Variants in EPPK1 observed in about 807,000 individuals in gnomAD.
EPPK1 encodes epiplakin 1.
For missense variants in EPPK1, 3,823 were observed against 3,673.3 expected, an observed-to-expected ratio of 1.04 and a Z score of -1.05; for synonymous variants, 1,862 against 1,721.2, an observed-to-expected ratio of 1.08 and a Z score of -2.03.
intron 1 of EPPK1, among the ~76,000 whole-genome samples, chr8:143,874,586 G>A (rs989558760): frequency 7.2e-5 from 11 of 152,112 alleles, no homozygotes; most frequent in Non-Finnish European, 1.0e-4. Flanking sequence ...CTCGAGCTCC[G>A]GAGGAAGTGC....
At position 143,870,371 on chromosome 8, in the gene EPPK1, C is replaced by T. The variant is rs553097440; in HGVS notation, c.2883G>A (p.Leu961=). The change falls in exon 2 of 2, where the codon CTG becomes CTA. Residue 961 remains leucine, a synonymous_variant. Transcript: ENST00000615648. The surrounding 1 kb of genome is among the most constrained non-coding windows in gnomAD (Gnocchi z 5.2). ...TGGCCGCCTGGGCCTCCAGCAGGGC[C>T]AGGGCCACCCTGGGCCCCAGCAGCT... ...RQKLLGPRVA[L]ALLEAQAATG... The T allele has an allele frequency of 4.5e-6, 7 of 1,566,162 alleles. No individual in the cohort carries two copies. Among genetic ancestry groups the T allele is most frequent in the Non-Finnish European group, 6.0e-6 (7 of 1,161,530 alleles).
At position 143,857,963 on chromosome 8, in the gene EPPK1, G is replaced by T; in HGVS notation, c.*24C>A. The T allele has an allele frequency of 7.0e-7, 1 of 1,420,044 alleles. No individual in the cohort carries two copies. The highest frequency in any genetic ancestry group is 9.5e-7 in the Non-Finnish European group (1 of 1,049,652). The allele number at this position is 1,420,044 out of a possible 1,614,324, so 88.0% of individuals were successfully genotyped here. On this transcript the variant is annotated 3_prime_UTR_variant, in exon 2 of 2. Coordinates refer to ENST00000615648, the MANE Select transcript of EPPK1 (RefSeq NM_031308.4). ...ATGCCTCCACTTCTCCAGAGTTGCA[G>T]AAAACTGCACGGAGGAAGCCCAGTC...
At position 143,878,404 on chromosome 8, in the gene EPPK1, G is replaced by GCCGCACCTGCCCGCACCCGCCGCACCTGC. The variant is rs1554662614; in HGVS notation, c.-46+33_-46+34insGCAGGTGCGGCGGGTGCGGGCAGGTGCGG. The GCCGCACCTGCCCGCACCCGCCGCACCTGC allele has an allele frequency of 4.4e-3, 298 of 67,396 alleles. 3 individuals are homozygous for GCCGCACCTGCCCGCACCCGCCGCACCTGC. The highest frequency in any genetic ancestry group is 0.012 in the East Asian group (40 of 3,232). 4.2% of individuals were successfully genotyped at this position (67,396 alleles called of 1,614,324 possible). A position where few individuals can be genotyped will look rare whatever the true frequency, so the allele number is the denominator to read the frequency against. The stretch of plus-strand genomic sequence containing the variant: ...GCACCCGCCGCACCTGCCCGCACCC[G>GCCGCACCTGCCCGCACCCGCCGCACCTGC]CCGCACCCGCCGCACCCGCCGCACC... On this transcript the variant is annotated intron_variant, in intron 1 of 1. Coordinates refer to ENST00000615648, the MANE Select transcript of EPPK1 (RefSeq NM_031308.4).
In EPPK1 at chr8:143,866,733, A is replaced by G. The variant is rs1554659150; in HGVS notation, c.6521T>C (p.Phe2174Ser). 6.2e-7 allele frequency: 1 copy of G among 1,613,280 alleles called. No homozygotes were observed. Among genetic ancestry groups the G allele is most frequent in the South Asian group, 1.1e-5 (1 of 91,072 alleles). ...TGTGATCTGTCGTCTAATTCCTTGG[A>G]ACCACAGGTGTTTGTTGCTGGTTTC... ...KQETSNKHLW[F>S]QGIRRQITAS... Residue 2174 changes from phenylalanine to serine, a missense_variant, in exon 2 of 2, where the codon TTC (phenylalanine) becomes TCC (serine). Physicochemically the swap from Phe to Ser is radical, Grantham distance 155 (BLOSUM62 -2). Coordinates refer to ENST00000615648, the MANE Select transcript of EPPK1 (RefSeq NM_031308.4).
At position 143,871,245 on chromosome 8, in the gene EPPK1, GC is replaced by G. The variant is rs782021152; in HGVS notation, c.2008del (p.Ala670LeufsTer84). ...GAACACATCAGGCCCAATGACAGCA[GC>G]CCTCAGTGCCTCCTCAACGGAGTGC... is the stretch of plus-strand genomic sequence containing the variant. ...KGHSVEEALRAAVIGPDVFAK... is the reference protein window; with the variant it reads ...KGHSVEEALRXAVIGPDVFAK... On this transcript the variant is annotated frameshift_variant, in exon 2 of 2. Coordinates refer to ENST00000615648, the MANE Select transcript of EPPK1 (RefSeq NM_031308.4). LOFTEE classifies it low-confidence loss of function (END_TRUNC). 6.2e-7 allele frequency: 1 copy of G among 1,612,996 alleles called. No homozygotes were observed. Among genetic ancestry groups the G allele is most frequent in the African/African-American group, 1.3e-5 (1 of 74,950 alleles).
Position 143,871,896 on chromosome 8 carries a change from G to A in EPPK1, c.1358C>T (p.Ala453Val), listed in dbSNP as rs782120612. ...GGTCTCTGGGTCGGTGACACAGAGG[G>A]CCAGCAGCTGTTCATAGCGCAGGCC... ...HGGLRYEQLL[A>V]LCVTDPETGL... The change falls in exon 2 of 2, where the codon GCC (alanine) becomes GTC (valine). Residue 453 changes from alanine (A) to valine (V), a missense_variant. By Grantham distance (64) the Ala-to-Val change is moderately conservative. Coordinates refer to ENST00000615648, the MANE Select transcript of EPPK1 (RefSeq NM_031308.4). 6.2e-7 allele frequency: 1 copy of A among 1,609,238 alleles called. No individual in the cohort carries two copies. The highest frequency in any genetic ancestry group is 8.5e-7 in the Non-Finnish European group (1 of 1,179,714).
rs781869647 is a variant in EPPK1, at chr8:143,870,998, C to T, written c.2256G>A (p.Met752Ile). 69 of 1,613,404 alleles carry T rather than the reference C, an allele frequency of 4.3e-5. No individual in the cohort carries two copies. Among genetic ancestry groups the T allele is most frequent in the Non-Finnish European group, 5.8e-5 (68 of 1,180,014 alleles). ...VAYRRGYFDQ[M>I]LNLILLDPSD... ...AAGGGTCCAACAGGATCAAGTTCAG[C>T]ATCTGATCGAAGTAGCCGCGCCGGT... The change falls in exon 2 of 2, where the codon ATG becomes ATA. Residue 752 changes from methionine to isoleucine, a missense_variant. By Grantham distance (10) the Met-to-Ile change is conservative (BLOSUM62 1). Coordinates refer to ENST00000615648, the MANE Select transcript of EPPK1 (RefSeq NM_031308.4). This position sits in a 1 kb window ranked among gnomAD's most constrained non-coding sequence, Gnocchi z 5.2.
In EPPK1 at chr8:143,868,963, G is replaced by A. The variant is rs1819238370; in HGVS notation, c.4291C>T (p.Leu1431=). 17 of 1,610,680 alleles carry A rather than the reference G, an allele frequency of 1.1e-5. No homozygotes were observed. Among genetic ancestry groups the A allele is most frequent in the Non-Finnish European group, 1.4e-5 (17 of 1,179,840 alleles). ...ACTGTGTCTGAGGGCAGTGGCAACA[G>A]CAACAATCCGGTCTCGGAGTCGCAC... ...CVCDSETGLL[L]LPLPSDTVLE... The change falls in exon 2 of 2, where the codon CTG becomes TTG. Residue 1431 remains leucine, a synonymous_variant. Coordinates refer to ENST00000615648, the MANE Select transcript of EPPK1 (RefSeq NM_031308.4).
Position 143,872,416 on chromosome 8 carries a change from A to G in EPPK1, c.838T>C (p.Tyr280His). The G allele has an allele frequency of 6.2e-7, 1 of 1,601,750 alleles. No homozygotes were observed. Among genetic ancestry groups the G allele is most frequent in the Non-Finnish European group, 8.5e-7 (1 of 1,179,330 alleles). Residue 280 changes from tyrosine to histidine, a missense_variant, in exon 2 of 2, where the codon TAC becomes CAC. Physicochemically the swap from Tyr to His is moderately conservative, Grantham distance 83. Coordinates refer to ENST00000615648, the MANE Select transcript of EPPK1 (RefSeq NM_031308.4). ...GCCACGCTGCCGGTACCCTCCAGGT[A>G]GCGCCGCACCTCGGCACGTGCACTC... The part of the protein sequence containing the change: ...DVSARAEVRR[Y>H]LEGTGSVAGV...
rs540181429 is a variant in EPPK1 at position 143,875,641 on chromosome 8, C to T, written c.-45-2343G>A. On this transcript the variant is annotated intron_variant, in intron 1 of 1. Transcript: ENST00000615648. ...GAGAAAGCTCACAAGAGGCTGCAGA[C>T]GTCTGGCCAGCTGGCCGGTGCGCCA... Among the ~76,000 whole-genome samples, 7 of 152,404 alleles carry T rather than the reference C, an allele frequency of 4.6e-5. No individual in the cohort carries two copies. In the East Asian group the frequency reaches 9.6e-4, roughly 21 times the overall value.
Position 143,867,769 on chromosome 8 carries a change from C to T in EPPK1, c.5485G>A (p.Glu1829Lys). The T allele has an allele frequency of 6.2e-7, 1 of 1,613,724 alleles. No individual in the cohort carries two copies. Among genetic ancestry groups the T allele is most frequent in the Non-Finnish European group, 8.5e-7 (1 of 1,179,850 alleles). ...AQSGGLEKLLEIITTTIEETE... is the reference protein window; with the variant it reads ...AQSGGLEKLLKIITTTIEETE... ...TCTTCAATTGTCGTGGTGATGATTT[C>T]CAGCAATTTCTCCAGGCCCCCACTC... The change falls in exon 2 of 2, where the codon GAA (glutamate) becomes AAA (lysine). Residue 1829 changes from glutamate to lysine, a missense_variant. By Grantham distance (56) the Glu-to-Lys change is moderately conservative (BLOSUM62 1). Transcript: ENST00000615648.
chr8:143,866,649 G>C lies in EPPK1; in HGVS notation c.6605C>G (p.Thr2202Arg), dbSNP rs559664622. The C allele has an allele frequency of 6.2e-6, 10 of 1,612,992 alleles. No homozygotes were observed. Among genetic ancestry groups the C allele is most frequent in the African/African-American group, 1.3e-5 (1 of 75,052 alleles). Residue 2202 changes from threonine (T) to arginine (R), a missense_variant, in exon 2 of 2, where the codon ACG (threonine) becomes AGG (arginine). Transcript: ENST00000615648. ...ITEEMLQDLETGRSTTQELME... is the reference protein window; with the variant it reads ...ITEEMLQDLERGRSTTQELME... ...GAGCTCTTGCGTCGTGCTCCGTCCC[G>C]TTTCCAGGTCCTGGAGCATTTCCTC...
In EPPK1 at chr8:143,868,639, TCAGCTGCGCCCTGAA is replaced by T; in HGVS notation, c.4600_4614del (p.Phe1534_Leu1538del). The stretch of plus-strand genomic sequence containing the variant: ...AGCTCGTCCAGCGTCTTCCTGCTGA[TCAGCTGCGCCCTGAA>T]CAGGTCCCTGGCTGACACCTGCTTC... On this transcript the variant is annotated inframe_deletion, in exon 2 of 2. Transcript: ENST00000615648. The T allele has an allele frequency of 6.3e-7, 1 of 1,592,544 alleles. No individual in the cohort carries two copies. The highest frequency in any genetic ancestry group is 8.5e-7 in the Non-Finnish European group (1 of 1,170,502).
In EPPK1 at chr8:143,870,861, A is replaced by T; in HGVS notation, c.2393T>A (p.Leu798His). The T allele has an allele frequency of 6.2e-7, 1 of 1,612,536 alleles. No individual in the cohort carries two copies. The highest frequency in any genetic ancestry group is 1.3e-5 in the African/African-American group (1 of 74,874). The change falls in exon 2 of 2, where the codon CTC (leucine) becomes CAC (histidine). Residue 798 changes from leucine (L) to histidine (H), a missense_variant. Coordinates refer to ENST00000615648, the MANE Select transcript of EPPK1 (RefSeq NM_031308.4). The surrounding 1 kb of genome is among the most constrained non-coding windows in gnomAD (Gnocchi z 5.2). ...DPETGLYLLP[L>H]SSTQSPLVDS... ...CACCAGCGGGGACTGCGTGCTGCTG[A>T]GTGGCAGGAGGTACAGGCCCGTCTC...
Position 143,867,512 on chromosome 8 carries a change from A to T in EPPK1, c.5742T>A (p.His1914Gln), listed in dbSNP as rs370750586. ...VPSTREVMSL[H>Q]EASRKELIPA... Reference sequence around the variant, plus strand: ...GGATGAGCTCCTTCCTGCTGGCCTCATGGAGGCTCATGACCTCCCTGGTGG... The same window carrying T: ...GGATGAGCTCCTTCCTGCTGGCCTCTTGGAGGCTCATGACCTCCCTGGTGG... The change falls in exon 2 of 2, where the codon CAT becomes CAA. Residue 1914 changes from histidine (H) to glutamine (Q), a missense_variant. Transcript: ENST00000615648. The T allele has an allele frequency of 1.5e-5, 24 of 1,612,438 alleles. No homozygotes were observed. In the African/African-American group the frequency reaches 3.1e-4, roughly 21 times the overall value.
chr8:143,868,881 C>G lies in EPPK1; in HGVS notation c.4373G>C (p.Ser1458Thr). ...VALRAMKVPV[S>T]TGRFKGCSVS... ...GCTACACCCCTTAAACCTCCCTGTGCTGACGGGCACCTTCATGGCCCTCAG... is the reference window on the plus strand; with the variant it reads ...GCTACACCCCTTAAACCTCCCTGTGGTGACGGGCACCTTCATGGCCCTCAG... The change falls in exon 2 of 2, where the codon AGC (serine) becomes ACC (threonine). Residue 1458 changes from serine to threonine, a missense_variant. Ser to Thr is a moderately conservative substitution (Grantham distance 58). Coordinates refer to ENST00000615648, the MANE Select transcript of EPPK1 (RefSeq NM_031308.4). 1 of 1,610,860 alleles carries G rather than the reference C, an allele frequency of 6.2e-7. No individual in the cohort carries two copies. Among genetic ancestry groups the G allele is most frequent in the Non-Finnish European group, 8.5e-7 (1 of 1,179,848 alleles).
chr8:143,867,925 A>C lies in EPPK1; in HGVS notation c.5329T>G (p.Leu1777Val). ...VYINEATRHVLQSRTAKMRVG... is the reference protein window; with the variant it reads ...VYINEATRHVVQSRTAKMRVG... The stretch of plus-strand genomic sequence containing the variant: ...CGCATTTTTGCAGTTCTGGATTGCA[A>C]CACGTGTCTCGTGGCCTCATTGATG... Residue 1777 changes from leucine (L) to valine (V), a missense_variant, in exon 2 of 2, where the codon TTG becomes GTG. Leu to Val is a conservative substitution (Grantham distance 32). Coordinates refer to ENST00000615648, the MANE Select transcript of EPPK1 (RefSeq NM_031308.4). The C allele has an allele frequency of 1.9e-6, 3 of 1,613,472 alleles. No individual in the cohort carries two copies. The highest frequency in any genetic ancestry group is 2.5e-6 in the Non-Finnish European group (3 of 1,179,830).
rs916199208 is a variant in EPPK1, at chr8:143,857,849, G to A, written c.*138C>T. ...TTTCTGTCACATGACAACTTAAAAC[G>A]TTTTCCACAGATAACGAATGGGTAA... On this transcript the variant is annotated 3_prime_UTR_variant, in exon 2 of 2. Coordinates refer to ENST00000615648, the MANE Select transcript of EPPK1 (RefSeq NM_031308.4). The A allele has an allele frequency of 6.2e-6, 4 of 641,588 alleles. No homozygotes were observed. Among genetic ancestry groups the A allele is most frequent in the South Asian group, 5.7e-5 (2 of 35,064 alleles). The allele number at this position is 641,588 out of a possible 1,614,324, so 39.7% of individuals were successfully genotyped here.
rs1319746426 is a variant in EPPK1 at position 143,870,087 on chromosome 8, T to C, written c.3167A>G (p.His1056Arg). ...AATGGCCACTGGCATGGGGAGGTGGTGGTGGCTGGTGGGGTCAATGATCCC... is the reference window on the plus strand; with the variant it reads ...AATGGCCACTGGCATGGGGAGGTGGCGGTGGCTGGTGGGGTCAATGATCCC... Reference protein sequence around the residue: ...TGGIIDPTSHHHLPMPVAIQR... With the variant: ...TGGIIDPTSHRHLPMPVAIQR... Residue 1056 changes from histidine (H) to arginine (R), a missense_variant, in exon 2 of 2, where the codon CAC becomes CGC. By Grantham distance (29) the His-to-Arg change is conservative. Coordinates refer to ENST00000615648, the MANE Select transcript of EPPK1 (RefSeq NM_031308.4). This position sits in a 1 kb window ranked among gnomAD's most constrained non-coding sequence, Gnocchi z 5.2. 6.2e-7 allele frequency: 1 copy of C among 1,610,130 alleles called. No homozygotes were observed. Among genetic ancestry groups the C allele is most frequent in the Non-Finnish European group, 8.5e-7 (1 of 1,178,842 alleles).
Sources: allele counts gnomAD v4.1 joint callset (sites outside exome capture counted in the v4.1 genomes callset), GRCh38; gene constraint gnomAD v4.1.1; non-coding constraint Gnocchi (gnomAD v3.1); transcripts MANE v1.5; gene names NCBI Gene and HGNC (gene_info 2026-07-23, HGNC 2026-07-21).